PATJ: variants seen among roughly 807,000 people sequenced by gnomAD.
PATJ encodes PATJ crumbs cell polarity complex component.
A neutral mutation model predicts 224.9 loss-of-function variants in PATJ; 190 were observed. The ratio of observed to expected loss-of-function variants is 0.84; its 90% CI spans 0.75 to 0.95. The LOEUF (loss-of-function observed/expected upper bound fraction) is 0.95. PATJ is among the 40% of genes least tolerant of loss of function. PATJ has a pLI of 0.00. For synonymous variants in PATJ, 769 were observed against 820.3 expected, an observed-to-expected ratio of 0.94 and a Z score of 1.07; for missense variants, 2,121 against 2,270.3, an observed-to-expected ratio of 0.93 and a Z score of 1.34.
intron 41 of PATJ, among the ~76,000 whole-genome samples, chr1:62,130,224 C>T (rs1666121229): frequency 6.6e-6 from 1 of 152,158 alleles, no homozygotes; most frequent in African/African-American, 2.4e-5. Flanking sequence ...GTCTTAGCTA[C>T]TCAAGAGACT....
Position 62,125,249 on chromosome 1 carries a change from A to AC in PATJ, c.5043+2191_5043+2192insC, listed in dbSNP as rs1231053563. On this transcript the variant is annotated intron_variant, in intron 39 of 43. Coordinates refer to ENST00000642238, the MANE Select transcript of PATJ (RefSeq NM_001350145.3). The stretch of plus-strand genomic sequence containing the variant: ...AAAACCCTGTCTCAAAAAAAAAAAA[A>AC]AAAACAAAAAAAAACAAAAAAAAAA... Among the ~76,000 whole-genome samples the AC allele has an allele frequency of 2.4e-4, 26 of 106,134 alleles. 1 individual carries two copies. Among genetic ancestry groups the AC allele is most frequent in the Non-Finnish European group, 4.0e-4 (21 of 52,046 alleles). The allele number at this position is 106,134 out of a possible 152,430, so 69.6% of individuals were successfully genotyped here.
At chr1:61,850,471 C>T (rs998213408) in intron 17 of PATJ, among the ~76,000 whole-genome samples, 11 of 152,218 alleles carry the variant, frequency 7.2e-5, no homozygotes, top group African/African-American at 2.7e-4. Context: ...TGCAGGCATG[C>T]TGCACATTCT....
At chr1:61,948,164 A>G (rs1679051051) in intron 27 of PATJ, among the ~76,000 whole-genome samples, 1 of 152,244 alleles carries the variant, frequency 6.6e-6, no homozygotes, top group Non-Finnish European at 1.5e-5. Flanking sequence ...CAAGGACTTC[A>G]TGTCTAAAAC....
chr1:61,791,372 AATGTTGAGCTTGTGAGAAAAG>A lies in PATJ; in HGVS notation c.1097_1117del (p.Val366_Asp372del). On this transcript the variant is annotated inframe_deletion, in exon 9 of 44. Transcript: ENST00000642238. ...GGACAGTTCTCTTTTTGAAACTTAT[AATGTTGAGCTTGTGAGAAAAG>A]ATGGGCAGAGTCTTGGAATTAGAAT... 6.2e-7 allele frequency: 1 copy of A among 1,611,410 alleles called. No homozygotes were observed. Among genetic ancestry groups the A allele is most frequent in the Non-Finnish European group, 8.5e-7 (1 of 1,177,900 alleles).
At chr1:62,012,502 A>G (rs1467153331) in intron 28 of PATJ, among the ~76,000 whole-genome samples, 3 of 152,156 alleles carry the variant, frequency 2.0e-5, no homozygotes, top group Non-Finnish European at 4.4e-5. Flanking sequence ...TATTTGGAAG[A>G]CTTTCTATAT....
chr1:61,786,659 A>C (rs1176913437), intron 7 of PATJ, among the ~76,000 whole-genome samples: 1 of 152,018 alleles, frequency 6.6e-6, no homozygotes, highest in Non-Finnish European at 1.5e-5. Flanking sequence ...CTCACAGCCC[A>C]TATAGAAGCT....
intron 22 of PATJ, among the ~76,000 whole-genome samples, 167 bp downstream of exon 22, chr1:61,884,575 C>G (rs944984225): frequency 6.1e-5 from 9 of 147,036 alleles, no homozygotes; most frequent in Non-Finnish European, 1.2e-4. Flanking sequence ...ATTTCATATA[C>G]TTAAAATTTT....
chr1:61,828,174 C>T (rs754706977), intron 16 of PATJ, among the ~76,000 whole-genome samples: 5 of 148,462 alleles, frequency 3.4e-5, no homozygotes, highest in African/African-American at 2.5e-5. Context: ...AGCCGGGAGG[C>T]GGAGGTTACG....
At chr1:61,981,975 C>G (rs555977954) in intron 27 of PATJ, among the ~76,000 whole-genome samples, 1 of 151,966 alleles carries the variant, frequency 6.6e-6, no homozygotes, top group Non-Finnish European at 1.5e-5. Context: ...AGCCTTGTTG[C>G]GATTCTTGTG....
At chr1:62,040,731 T>C (rs763419492) in intron 30 of PATJ, among the ~76,000 whole-genome samples, 4 of 151,968 alleles carry the variant, frequency 2.6e-5, no homozygotes, top group Non-Finnish European at 5.9e-5. Flanking sequence ...AGTTAGAAGG[T>C]TGGGTTTTAT....
At chr1:62,051,802 T>C (rs893991385) in intron 31 of PATJ, among the ~76,000 whole-genome samples, 2 of 152,234 alleles carry the variant, frequency 1.3e-5, no homozygotes, top group Admixed American at 6.5e-5. Flanking sequence ...TTTAGAGAAC[T>C]CTTTCTCCTT....
chr1:61,962,254 A>G (rs1289618991), intron 27 of PATJ, among the ~76,000 whole-genome samples: 2 of 152,184 alleles, frequency 1.3e-5, no homozygotes, highest in Admixed American at 6.5e-5. Context: ...TTAATTCAAC[A>G]TGTCTTGTTT....
At chr1:61,744,678 A>G (rs1644935748) in intron 1 of PATJ, among the ~76,000 whole-genome samples, 1 of 152,172 alleles carries the variant, frequency 6.6e-6, no homozygotes, top group South Asian at 2.1e-4. Flanking sequence ...TCTGTGACCA[A>G]ATAAATGTGT....
At chr1:61,837,515 G>A (rs183524513) in intron 17 of PATJ, among the ~76,000 whole-genome samples, 3 of 152,194 alleles carry the variant, frequency 2.0e-5, no homozygotes, top group East Asian at 1.9e-4. Flanking sequence ...GAGACCAGGC[G>A]CAGTGGCTCA....
Position 61,939,309 on chromosome 1 carries a change from C to T in PATJ, c.3670+11480C>T, listed in dbSNP as rs777031600. On this transcript the variant is annotated intron_variant, in intron 27 of 43. Coordinates refer to ENST00000642238, the MANE Select transcript of PATJ (RefSeq NM_001350145.3). ...TGTTTTCTTACATAAAAATTAAAAA[C>T]TTTGCATTCACACACACACACACAC... Among the ~76,000 whole-genome samples, 293 of 93,278 alleles carry T rather than the reference C, an allele frequency of 3.1e-3. 4 individuals are homozygous for T. Among genetic ancestry groups the T allele is most frequent in the East Asian group, 1.2e-3 (3 of 2,576 alleles). 61.2% of individuals were successfully genotyped at this position (93,278 alleles called of 152,430 possible).
rs1255469790 is a variant in PATJ, at chr1:61,790,506, C to CTT, written c.1069-835_1069-834dup. On this transcript the variant is annotated intron_variant, in intron 8 of 43. Coordinates refer to ENST00000642238, the MANE Select transcript of PATJ (RefSeq NM_001350145.3). ...TTAGCTTCTTCTTCTTTTTCTTCTT[C>CTT]TTTTTTTTGTTTTTTTTTTTTGTTT... is the stretch of plus-strand genomic sequence containing the variant. Among the ~76,000 whole-genome samples the CTT allele has an allele frequency of 6.4e-4, 67 of 105,476 alleles. No individual in the cohort carries two copies. In the South Asian group the frequency reaches 0.012, roughly 19 times the overall value. 69.2% of individuals were successfully genotyped at this position (105,476 alleles called of 152,430 possible).
chr1:62,069,507 G>C (rs941897389), intron 31 of PATJ, among the ~76,000 whole-genome samples: 1 of 152,080 alleles, frequency 6.6e-6, no homozygotes, highest in Non-Finnish European at 1.5e-5. Flanking sequence ...TCATCATCAC[G>C]TACCAGCTCC....
intron 27 of PATJ, among the ~76,000 whole-genome samples, chr1:61,938,867 T>A (rs1557906616): frequency 6.6e-6 from 1 of 151,962 alleles, no homozygotes; most frequent in Non-Finnish European, 1.5e-5. Context: ...TGTGTACTCA[T>A]TTGGGGATAA....
At chr1:61,871,411 A>ATACATATATATG (rs1666405056) in intron 20 of PATJ, among the ~76,000 whole-genome samples, 2 of 134,468 alleles carry the variant, frequency 1.5e-5, no homozygotes, top group African/African-American at 5.3e-5. Context: ...GTGTATATAT[A>ATACATATATATG]TACATATATA....
Sources: allele counts gnomAD v4.1 joint callset (sites outside exome capture counted in the v4.1 genomes callset), GRCh38; gene constraint gnomAD v4.1.1; transcripts MANE v1.5; gene names NCBI Gene and HGNC (gene_info 2026-07-23, HGNC 2026-07-21).